The following TUSC3 variants were observed in gnomAD, a reference collection of about 807,000 sequenced individuals.
TUSC3 encodes tumor suppressor candidate 3.
TUSC3 carries 45 observed loss-of-function variants against 44.8 expected under a neutral mutation model. That is an observed-to-expected ratio of 1.00 (90% CI 0.79 to 1.29). The LOEUF (loss-of-function observed/expected upper bound fraction) is 1.29. Among genes scored for constraint, TUSC3 ranks in the 50% most tolerant of loss-of-function variants. TUSC3 has a pLI of 0.00. For missense variants in TUSC3, 519 were observed against 437.9 expected, an observed-to-expected ratio of 1.19 and a Z score of -1.65; for synonymous variants, 212 against 152.9, an observed-to-expected ratio of 1.39 and a Z score of -2.85.
chr8:15,600,371 AG>A (rs1804236499), intron 1 of TUSC3, among the ~76,000 whole-genome samples: 1 of 151,802 alleles, frequency 6.6e-6, no homozygotes. Context: ...AAGGACAAAC[AG>A]GTTTGATTAG....
intron 3 of TUSC3, among the ~76,000 whole-genome samples, chr8:15,653,136 A>G (rs1046025789): frequency 1.3e-5 from 2 of 152,202 alleles, no homozygotes; most frequent in Admixed American, 1.3e-4. Flanking sequence ...CAAAATTGCC[A>G]GAACACCATG....
intron 1 of TUSC3, among the ~76,000 whole-genome samples, chr8:15,556,985 C>T (rs1238394089): frequency 6.7e-6 from 1 of 149,010 alleles, no homozygotes; most frequent in African/African-American, 2.5e-5. Flanking sequence ...ATTTCTTTTG[C>T]TGTGCAGAAG....
intron 2 of TUSC3, among the ~76,000 whole-genome samples, chr8:15,505,621 C>T (rs913632670): frequency 1.3e-5 from 2 of 152,164 alleles, no homozygotes; most frequent in African/African-American, 4.8e-5. Context: ...AATAGAAATA[C>T]CCAGGCTTCT....
chr8:15,773,197 C>T, the TUSC3 span, among the ~76,000 whole-genome samples: 7 of 152,228 alleles, frequency 4.6e-5, no homozygotes, highest in Admixed American at 1.3e-4. Flanking sequence ...TGCTTACTTC[C>T]TTTCACAGAT....
the TUSC3 span, among the ~76,000 whole-genome samples, chr8:15,798,095 G>T: frequency 6.6e-6 from 1 of 152,206 alleles, no homozygotes; most frequent in African/African-American, 2.4e-5. Context: ...CCCACTAGGG[G>T]TTCTCTACAT....
intron 6 of TUSC3, among the ~76,000 whole-genome samples, chr8:15,684,213 G>A (rs73197124): frequency 0.16 from 24,255 of 151,898 alleles, 1,992 homozygotes; most frequent in South Asian, 0.22. Flanking sequence ...AGGGGTGGGT[G>A]GGGGGCAGGC....
At chr8:15,451,377 C>G (rs1800195566) in intron 1 of TUSC3, among the ~76,000 whole-genome samples, 1 of 152,064 alleles carries the variant, frequency 6.6e-6, no homozygotes, top group South Asian at 2.1e-4. Context: ...TTGGAACTTT[C>G]AGCCCCCTGA....
chr8:15,527,134 C>T (rs1399132630), intron 2 of TUSC3, among the ~76,000 whole-genome samples: 1 of 152,172 alleles, frequency 6.6e-6, no homozygotes, highest in Admixed American at 6.6e-5. Context: ...AGCTGTCCCA[C>T]TTAAAAGAAA....
the TUSC3 span, among the ~76,000 whole-genome samples, chr8:15,775,979 T>G: frequency 6.6e-6 from 1 of 151,948 alleles, no homozygotes. Flanking sequence ...GGGATGAGGT[T>G]AATAATTTCT....
At chr8:15,624,537 A>G (rs1359364005) in intron 2 of TUSC3, among the ~76,000 whole-genome samples, 1 of 152,144 alleles carries the variant, frequency 6.6e-6, no homozygotes, top group African/African-American at 2.4e-5. Flanking sequence ...TTGTGATTTA[A>G]TTTTGCATTT....
rs923368798 is a variant in TUSC3, at chr8:15,540,289, C to T, written c.-142C>T. ...GTCTCCTCCTCTGCGTCCTCGGCCG[C>T]GGCCCGGGTCCCTCGCAAAGCCGCT... On this transcript the variant is annotated 5_prime_UTR_variant, in exon 1 of 11. Transcript: ENST00000503731. 8.3e-7 allele frequency: 1 copy of T among 1,204,626 alleles called. No homozygotes were observed. Among genetic ancestry groups the T allele is most frequent in the Non-Finnish European group, 1.1e-6 (1 of 927,744 alleles). 74.6% of individuals were successfully genotyped at this position (1,204,626 alleles called of 1,614,324 possible). A position where few individuals can be genotyped will look rare whatever the true frequency, so the allele number is the denominator to read the frequency against.
chr8:15,495,527 C>T (rs1211664699), intron 2 of TUSC3, among the ~76,000 whole-genome samples: 2 of 151,982 alleles, frequency 1.3e-5, no homozygotes, highest in African/African-American at 2.4e-5. Context: ...CAAGAGGATG[C>T]TTTTGGTTTC....
At chr8:15,755,396 TTTTA>T (rs1239723461) in intron 9 of TUSC3, among the ~76,000 whole-genome samples, 1 of 152,176 alleles carries the variant, frequency 6.6e-6, no homozygotes, top group Non-Finnish European at 1.5e-5. Flanking sequence ...TTAAATTCAT[TTTTA>T]TTTAATCTTC....
At chr8:15,496,628 C>T (rs28877639) in intron 2 of TUSC3, among the ~76,000 whole-genome samples, 5,598 of 152,172 alleles carry the variant, frequency 0.037, 357 homozygotes, top group African/African-American at 0.13. Flanking sequence ...ACCCTAGATA[C>T]AGGCCCAGTG....
At chr8:15,748,019 T>G (rs567762853) in intron 8 of TUSC3, among the ~76,000 whole-genome samples, 1 of 152,252 alleles carries the variant, frequency 6.6e-6, no homozygotes, top group African/African-American at 2.4e-5. Context: ...GCAATAATCT[T>G]GTTTGTGGTT....
intron 2 of TUSC3, among the ~76,000 whole-genome samples, chr8:15,523,708 G>GTATATATATA (rs71211051): frequency 8.9e-6 from 1 of 112,480 alleles, no homozygotes; most frequent in Admixed American, 8.8e-5. Context: ...GTGTGTGTGT[G>GTATATATATA]TATATATATA....
intron 1 of TUSC3, among the ~76,000 whole-genome samples, chr8:15,429,061 T>C (rs1799839852): frequency 6.6e-6 from 1 of 152,194 alleles, no homozygotes; most frequent in African/African-American, 2.4e-5. Context: ...ATGTCCTGAA[T>C]GGTAATGCCT....
chr8:15,694,242 A>G (rs1809048928), intron 6 of TUSC3, among the ~76,000 whole-genome samples: 1 of 151,994 alleles, frequency 6.6e-6, no homozygotes, highest in Admixed American at 6.6e-5. Context: ...CAGGAGTTTC[A>G]TACCAGCCTA....
rs73538432 is a variant in TUSC3, at chr8:15,548,566, A to G, written c.138+7998A>G. 8.8e-3 allele frequency among the ~76,000 whole-genome samples: 1,344 copies of G among 151,944 alleles called. 23 individuals are homozygous for G. The highest frequency in any genetic ancestry group is 0.03 in the African/African-American group (1,240 of 41,528). On this transcript the variant is annotated intron_variant, in intron 1 of 10. Transcript: ENST00000503731. ...CCTGAGGGCAAAAAACAGCATAGAA[A>G]AATGGGAAGAACTGGGTACTTGATG...
Sources: allele counts gnomAD v4.1 joint callset (sites outside exome capture counted in the v4.1 genomes callset), GRCh38; gene constraint gnomAD v4.1.1; transcripts MANE v1.5; gene names NCBI Gene and HGNC (gene_info 2026-07-23, HGNC 2026-07-21).